Variants in POMT2 observed in about 807,000 individuals in gnomAD.
The protein encoded by POMT2 is protein O-mannosyl-transferase 2.
In POMT2, 75 loss-of-function variants were observed where a neutral mutation model predicts 100.0. That is an observed-to-expected ratio of 0.75 (90% CI 0.62 to 0.91). The LOEUF (loss-of-function observed/expected upper bound fraction) is 0.91, where lower values mean the gene tolerates loss of function less well. Among genes scored for constraint, POMT2 ranks in the 40% least tolerant of loss-of-function variants. POMT2 has a pLI of 0.00. For missense variants in POMT2, 940 were observed against 955.1 expected, an observed-to-expected ratio of 0.98 and a Z score of 0.21; for synonymous variants, 378 against 374.1, an observed-to-expected ratio of 1.01 and a Z score of -0.12.
At chr14:77,312,095 T>G (rs1156384095) in intron 1 of POMT2, 62 bp from the exon 2 acceptor site, 1 of 1,585,904 alleles carries the variant, frequency 6.3e-7, no homozygotes, top group Admixed American at 1.8e-5. Flanking sequence ...CAAATGGCCT[T>G]CATAAAGCAT....
At chr14:77,289,560 C>T (rs925177475) in intron 10 of POMT2, among the ~76,000 whole-genome samples, 7 of 152,226 alleles carry the variant, frequency 4.6e-5, no homozygotes, top group African/African-American at 1.7e-4. Context: ...ACTGAAGCCC[C>T]CACTGGAGCT....
chr14:77,306,049 C>T (rs12433986), intron 3 of POMT2, among the ~76,000 whole-genome samples: 1 of 152,324 alleles, frequency 6.6e-6, no homozygotes, highest in East Asian at 1.9e-4. Flanking sequence ...CCAGGCTGTT[C>T]TCCAACCTGA....
intron 18 of POMT2, 52 bp from the exon 19 acceptor site, chr14:77,278,921 C>T (rs1403459319): frequency 6.3e-7 from 1 of 1,583,544 alleles, no homozygotes; most frequent in Admixed American, 1.7e-5. Flanking sequence ...GGCAGAGATT[C>T]CAGGCTCTGG....
At chr14:77,295,579 C>T (rs11626281) in intron 9 of POMT2, among the ~76,000 whole-genome samples, 68,412 of 148,102 alleles carry the variant, frequency 0.46, 15,957 homozygotes, top group Non-Finnish European at 0.48. Flanking sequence ...TTGCAGTAAG[C>T]TGAGATCACG....
chr14:77,286,824 T>C lies in POMT2; in HGVS notation c.1254-2A>G. The C allele has an allele frequency of 6.2e-7, 1 of 1,614,200 alleles. No individual in the cohort carries two copies. The highest frequency in any genetic ancestry group is 8.5e-7 in the Non-Finnish European group (1 of 1,180,026). On this transcript the variant is annotated splice_acceptor_variant, in intron 11 of 20. Transcript: ENST00000261534. LOFTEE classifies it high-confidence loss of function. ...TGACTGTGCAAGTTCCGGGAAGTTC[T>C]AGAAGTTAGAAAAGAGAAGTGTCAT...
At chr14:77,293,728 G>C (rs968424919) in intron 9 of POMT2, among the ~76,000 whole-genome samples, 1 of 152,144 alleles carries the variant, frequency 6.6e-6, no homozygotes, top group African/African-American at 2.4e-5. Flanking sequence ...AGACACTTTC[G>C]TCCCTTGGCG....
rs750144868 is a variant in POMT2 at position 77,286,730 on chromosome 14, C to T, written c.1332+14G>A. ...AACTTTTACGTCCTACTCACATCCC[C>T]GTTGCTTACTTACTATGCCATAGCC... On this transcript the variant is annotated intron_variant, in intron 12 of 20. Transcript: ENST00000261534. 26 of 1,614,010 alleles carry T rather than the reference C, an allele frequency of 1.6e-5. No homozygotes were observed. In the East Asian group the frequency reaches 3.6e-4, roughly 22 times the overall value.
chr14:77,284,818 G>C, intron 14 of POMT2, 132 bp downstream of exon 14: 2 of 770,230 alleles, frequency 2.6e-6, no homozygotes, highest in African/African-American at 1.7e-5. Flanking sequence ...CTCATAGAAA[G>C]AGAGTGTTAA....
intron 9 of POMT2, among the ~76,000 whole-genome samples, chr14:77,295,310 G>A (rs1890784578): frequency 6.6e-6 from 1 of 152,182 alleles, no homozygotes; most frequent in South Asian, 2.1e-4. Context: ...TTGATGGAGA[G>A]AGGTACTACT....
intron 2 of POMT2, among the ~76,000 whole-genome samples, chr14:77,307,898 T>C (rs1276478336): frequency 1.4e-5 from 2 of 144,052 alleles, no homozygotes; most frequent in East Asian, 4.0e-4. Flanking sequence ...AGTCTCGCTC[T>C]GTCACCCAGG....
chr14:77,287,653 C>T (rs964546256), intron 11 of POMT2: 8 of 151,764 alleles, frequency 5.3e-5, no homozygotes, highest in Admixed American at 2.0e-4. Flanking sequence ...TGCTGTCTGT[C>T]GTTTCAGCTT....
chr14:77,299,632 TTATA>T, intron 6 of POMT2, 71 bp from the exon 7 acceptor site: 1 of 1,114,346 alleles, frequency 9.0e-7, no homozygotes, highest in Non-Finnish European at 1.4e-6. Context: ...TATGCATGCA[TTATA>T]TATAGCTTTT....
At position 77,291,355 on chromosome 14, in the gene POMT2, T is replaced by C. The variant is rs375840897; in HGVS notation, c.1142A>G (p.Tyr381Cys). The change falls in exon 10 of 21, where the codon TAC becomes TGC. Residue 381 changes from tyrosine to cysteine, a missense_variant. Coordinates refer to ENST00000261534, the MANE Select transcript of POMT2 (RefSeq NM_013382.7). ...QQVTTYLHKD[Y>C]NNLWIIKKHN... Reference sequence around the variant, plus strand: ...TTTCTTGATAATCCACAGGTTGTTGTAGTCCTTGTGCAAATAGGTGGTGAC... The same window carrying C: ...TTTCTTGATAATCCACAGGTTGTTGCAGTCCTTGTGCAAATAGGTGGTGAC... The C allele has an allele frequency of 9.8e-5, 138 of 1,405,818 alleles. 1 individual carries two copies. In the South Asian group the frequency reaches 1.2e-3, roughly 13 times the overall value. 87.1% of individuals were successfully genotyped at this position (1,405,818 alleles called of 1,614,324 possible). A position where few individuals can be genotyped will look rare whatever the true frequency, so the allele number is the denominator to read the frequency against.
Position 77,320,813 on chromosome 14 carries a change from GGGGCCCC to G in POMT2, c.-139_-133del. The G allele has an allele frequency of 7.2e-7, 1 of 1,387,646 alleles. No homozygotes were observed. 86.0% of individuals were successfully genotyped at this position (1,387,646 alleles called of 1,614,324 possible). On this transcript the variant is annotated 5_prime_UTR_variant, in exon 1 of 21. Coordinates refer to ENST00000261534, the MANE Select transcript of POMT2 (RefSeq NM_013382.7). ...AACGCCCTTCACTGCAGCGGAGCGC[GGGGCCCC>G]GGGCTCGGGGCGGGGCGGGCAGCGT...
chr14:77,300,956 G>T, intron 6 of POMT2, 134 bp downstream of exon 6: 2 of 1,535,628 alleles, frequency 1.3e-6, no homozygotes, highest in Non-Finnish European at 1.8e-6. Context: ...TGCGGAGGTT[G>T]GGGGGTCCAG....
intron 1 of POMT2, among the ~76,000 whole-genome samples, chr14:77,313,709 T>TTTTTGCTTGTTTGCTTG (rs1165304546): frequency 1.3e-5 from 2 of 152,130 alleles, no homozygotes; most frequent in African/African-American, 4.8e-5. Context: ...TTTTGTTTTG[T>TTTTTGCTTGTTTGCTTG]TTTTGCTTGT....
intron 14 of POMT2, chr14:77,284,468 CTT>C (rs1271750590): frequency 1.9e-5 from 4 of 211,476 alleles, no homozygotes; most frequent in African/African-American, 9.3e-5. Context: ...AATCCAAATA[CTT>C]ATTGAGTTGA....
rs1889994745 is a variant in POMT2 at position 77,277,162 on chromosome 14, T to G, written c.*214A>C. On this transcript the variant is annotated 3_prime_UTR_variant, in exon 21 of 21. Transcript: ENST00000261534. ...GGGAGCAGCCCAAGAGGCGCTGTCC[T>G]CTCCGTGGTGCTGTGGACGGAGCTG... 1.7e-6 allele frequency: 1 copy of G among 584,906 alleles called. No homozygotes were observed. The highest frequency in any genetic ancestry group is 1.8e-5 in the African/African-American group (1 of 54,072). 36.2% of individuals were successfully genotyped at this position (584,906 alleles called of 1,614,324 possible).
At chr14:77,286,087 A>T (rs1890417809) in intron 12 of POMT2, among the ~76,000 whole-genome samples, 1 of 152,248 alleles carries the variant, frequency 6.6e-6, no homozygotes, top group South Asian at 2.1e-4. Flanking sequence ...TGTATGTCTA[A>T]TTCTTCTCAG....
Sources: gnomAD v4.1 joint callset for allele counts (sites outside exome capture counted in the v4.1 genomes callset) on GRCh38, gnomAD v4.1.1 for gene constraint, MANE v1.5 for transcripts, NCBI Gene and HGNC (gene_info 2026-07-23, HGNC 2026-07-21) for gene names.